The following POLK variants were observed in gnomAD, a reference collection of about 807,000 sequenced individuals.
POLK encodes the protein polymerase (DNA directed) kappa.
Under a neutral mutation model 94.0 loss-of-function variants are expected in POLK, and 76 were observed. The observed-to-expected ratio is 0.81, with a 90% CI of 0.67 to 0.98. POLK has a LOEUF of 0.98. POLK is among the 50% of genes least tolerant of loss of function. POLK has a pLI of 0.00. For missense variants in POLK, 954 were observed against 1,010.1 expected, an observed-to-expected ratio of 0.94 and a Z score of 0.75; for synonymous variants, 349 against 325.4, an observed-to-expected ratio of 1.07 and a Z score of -0.78.
exon 15 of POLK, chr5:75,600,622 A>G (rs954571866): frequency 6.6e-6 from 1 of 152,228 alleles, no homozygotes; most frequent in Non-Finnish European, 1.5e-5. Context: ...CAGCACTGCA[A>G]TATCCAAAAG....
At chr5:75,573,256 T>C (rs1771690917) in intron 4 of POLK, among the ~76,000 whole-genome samples, 1 of 151,978 alleles carries the variant, frequency 6.6e-6, no homozygotes, top group Non-Finnish European at 1.5e-5. Context: ...AGCAAACTAT[T>C]GCAAGGACAA....
At chr5:75,554,402 T>C (rs1342721004) in intron 3 of POLK, among the ~76,000 whole-genome samples, 2 of 152,140 alleles carry the variant, frequency 1.3e-5, no homozygotes, top group African/African-American at 4.8e-5. Flanking sequence ...TTTAATTTTG[T>C]AGTTTTTCCC....
At chr5:75,583,051 G>A (rs1772281754) in intron 7 of POLK, 1 of 287,924 alleles carries the variant, frequency 3.5e-6, no homozygotes, top group Non-Finnish European at 6.4e-6. Context: ...ATTTTAAAAT[G>A]TCATGGAGAA....
chr5:75,570,639 T>TC (rs1230148311), intron 4 of POLK, among the ~76,000 whole-genome samples: 1 of 152,210 alleles, frequency 6.6e-6, no homozygotes, highest in African/African-American at 2.4e-5. Flanking sequence ...GAGTTGCTCT[T>TC]CCTTTTTACC....
At chr5:75,541,574 A>G (rs574551025) in intron 1 of POLK, among the ~76,000 whole-genome samples, 7 of 152,314 alleles carry the variant, frequency 4.6e-5, no homozygotes, top group Non-Finnish European at 7.3e-5. Flanking sequence ...CATGGTTCTC[A>G]CAAGGCAGGC....
chr5:75,552,198 C>A (rs1344150247), intron 2 of POLK, among the ~76,000 whole-genome samples: 37 of 152,098 alleles, frequency 2.4e-4, no homozygotes, highest in Admixed American at 2.4e-3. Flanking sequence ...TGAATGCAAA[C>A]CTGTATTCAT....
chr5:75,529,217 G>A (rs1207664351), intron 1 of POLK, among the ~76,000 whole-genome samples: 1 of 152,172 alleles, frequency 6.6e-6, no homozygotes, highest in Non-Finnish European at 1.5e-5. Flanking sequence ...AATCATGGTA[G>A]AAGGCAAAGG....
chr5:75,596,111 C>A (rs1773068409), intron 12 of POLK, 111 bp from the exon 13 acceptor site: 5 of 645,374 alleles, frequency 7.7e-6, no homozygotes, highest in Non-Finnish European at 1.1e-5. Flanking sequence ...CTTATAGTTT[C>A]TCTCTAGCCA....
At chr5:75,555,945 T>A (rs1770598763) in intron 3 of POLK, among the ~76,000 whole-genome samples, 1 of 152,218 alleles carries the variant, frequency 6.6e-6, no homozygotes, top group Admixed American at 6.5e-5. Flanking sequence ...TTTTGGGAAT[T>A]ATGAATAAAG....
intron 3 of POLK, among the ~76,000 whole-genome samples, chr5:75,552,804 T>A (rs1233019175): frequency 6.6e-6 from 1 of 152,176 alleles, no homozygotes; most frequent in Non-Finnish European, 1.5e-5. Context: ...GTCACCTCTA[T>A]TATACAGAAG....
rs142773064 is a variant in POLK, at chr5:75,549,686, C to T, written c.135+2529C>T. 4.4e-3 allele frequency among the ~76,000 whole-genome samples: 668 copies of T among 151,962 alleles called. 3 individuals carry two copies. The highest frequency in any genetic ancestry group is 7.7e-3 in the Non-Finnish European group (522 of 67,946). ...TAATTGTTACTATTCCATAGCAATA[C>T]AATTTACTTTTTACTTTTTTAAAAC... On this transcript the variant is annotated intron_variant, in intron 2 of 14. Coordinates refer to ENST00000241436, the Ensembl canonical transcript of POLK.
intron 9 of POLK, 58 bp downstream of exon 9, chr5:75,584,984 T>A: frequency 8.8e-7 from 1 of 1,132,160 alleles, no homozygotes; most frequent in Non-Finnish European, 1.3e-6. Context: ...ATATCAGTTT[T>A]AACCATTGAG....
At chr5:75,551,334 T>C (rs5744600) in intron 2 of POLK, among the ~76,000 whole-genome samples, 1,872 of 150,366 alleles carry the variant, frequency 0.012, 39 homozygotes, top group African/African-American at 0.043. Flanking sequence ...CCTAACACTT[T>C]GGAAGGCTGA....
upstream of POLK, among the ~76,000 whole-genome samples, chr5:75,510,794 C>T (rs1235594472): frequency 6.6e-6 from 1 of 152,110 alleles, no homozygotes; most frequent in East Asian, 1.9e-4. Flanking sequence ...GTTCGGACAC[C>T]GCTGAAGCCC....
At chr5:75,600,244 T>G (rs886465767) in exon 15 of POLK, 1 of 152,196 alleles carries the variant, frequency 6.6e-6, no homozygotes, top group Non-Finnish European at 1.5e-5. Context: ...CCAGCCATAT[T>G]AATATTTGAG....
chr5:75,543,569 T>C (rs1769863109), intron 1 of POLK, among the ~76,000 whole-genome samples: 1 of 152,308 alleles, frequency 6.6e-6, no homozygotes, highest in African/African-American at 2.4e-5. Flanking sequence ...ATGAAAAGAT[T>C]ACTTTTGGAC....
upstream of POLK, chr5:75,511,364 GCGC>G (rs1284704619): frequency 6.5e-7 from 1 of 1,546,340 alleles, no homozygotes; most frequent in Non-Finnish European, 8.7e-7. Context: ...TCCGCCCGCC[GCGC>G]CGCCGCCGCG....
rs774640324 is a variant in POLK, at chr5:75,587,015, T to C, written c.1227-11T>C. On this transcript the variant is annotated splice_polypyrimidine_tract_variant and intron_variant, in intron 9 of 14. Coordinates refer to ENST00000241436, the Ensembl canonical transcript of POLK. ...CTTTGAAAAATAAAGACCTTTTTTT[T>C]TCATTTCAAGGGATGGAGAGAGGAA... 4.5e-6 allele frequency: 7 copies of C among 1,544,656 alleles called. No individual in the cohort carries two copies. The highest frequency in any genetic ancestry group is 1.9e-5 in the Admixed American group (1 of 51,310).
intron 1 of POLK, among the ~76,000 whole-genome samples, chr5:75,525,563 G>T (rs934798036): frequency 6.6e-6 from 1 of 152,132 alleles, no homozygotes; most frequent in Non-Finnish European, 1.5e-5. Flanking sequence ...GTAATAACAG[G>T]AGTAACAGGT....
Sources: allele counts gnomAD v4.1 joint callset (sites outside exome capture counted in the v4.1 genomes callset), GRCh38; gene constraint gnomAD v4.1.1; transcripts MANE v1.5; gene names NCBI Gene and HGNC (gene_info 2026-07-23, HGNC 2026-07-21).